The following SEMA3A variants were observed in gnomAD, a reference collection of about 807,000 sequenced individuals.
SEMA3A encodes the protein semaphorin 3A, also known as semaphorin-3A.
In SEMA3A, 29 loss-of-function variants were observed where a neutral mutation model predicts 97.9. The observed-to-expected ratio is 0.30, with a 90% CI of 0.22 to 0.40. The LOEUF (loss-of-function observed/expected upper bound fraction) is 0.40, where lower values mean the gene tolerates loss of function less well. Among genes scored for constraint, SEMA3A ranks in the 10% least tolerant of loss-of-function variants. The pLI, the probability that SEMA3A is intolerant of heterozygous loss-of-function variation, is 1.00. For missense variants in SEMA3A, 763 were observed against 951.3 expected (o/e 0.80, Z 2.60); for synonymous variants, 321 against 323.7 (o/e 0.99, Z 0.09).
intron 1 of SEMA3A, among the ~76,000 whole-genome samples, chr7:84,437,247 A>G (rs1805155784): frequency 6.6e-6 from 1 of 152,068 alleles, no homozygotes; most frequent in Non-Finnish European, 1.5e-5. Context: ...TAAAAAAGGA[A>G]TAATGGAATG....
chr7:84,262,532 CTAATA>C (rs1395325182), intron 3 of SEMA3A, among the ~76,000 whole-genome samples: 2 of 152,098 alleles, frequency 1.3e-5, no homozygotes, highest in East Asian at 3.9e-4. Flanking sequence ...TTCAATCATA[CTAATA>C]TATTTATTCA....
rs568299246 is a variant in SEMA3A, at chr7:84,153,676, T to G, written c.113-18725A>C. On this transcript the variant is annotated intron_variant, in intron 1 of 16. Transcript: ENST00000265362. The stretch of plus-strand genomic sequence containing the variant: ...TTCCCCTTTAATATAGATATACCAT[T>G]TGAGGTCAAAAATGTTACTTTAATA... Among the ~76,000 whole-genome samples, 6 of 152,226 alleles carry G rather than the reference T, an allele frequency of 3.9e-5. No individual in the cohort carries two copies. The South Asian group carries it at 1.2e-3, about 32-fold the overall frequency.
intron 5 of SEMA3A, among the ~76,000 whole-genome samples, chr7:84,047,651 G>A (rs1404235124): frequency 6.6e-6 from 1 of 151,804 alleles, no homozygotes; most frequent in East Asian, 1.9e-4. Context: ...AACAACAAAG[G>A]TTATACATTT....
chr7:84,133,074 TATC>T (rs1796013690), intron 2 of SEMA3A, among the ~76,000 whole-genome samples: 1 of 152,180 alleles, frequency 6.6e-6, no homozygotes, highest in Non-Finnish European at 1.5e-5. Context: ...GATAAATACT[TATC>T]ATTTCAGAAA....
chr7:84,076,791 A>G (rs754556773), intron 4 of SEMA3A, among the ~76,000 whole-genome samples: 32 of 152,176 alleles, frequency 2.1e-4, no homozygotes, highest in Non-Finnish European at 3.8e-4. Context: ...AACAATATGT[A>G]CATGCACAGA....
At position 84,177,413 on chromosome 7, in the gene SEMA3A, T is replaced by C. The variant is rs533281742; in HGVS notation, c.112+17062A>G. On this transcript the variant is annotated intron_variant, in intron 1 of 16. Coordinates refer to ENST00000265362, the MANE Select transcript of SEMA3A (RefSeq NM_006080.3). ...TACCTACAGCCTCTGTCCATTATTGTTAAACAAGGTAAAACACTCTGTTTT... is the reference window on the plus strand; with the variant it reads ...TACCTACAGCCTCTGTCCATTATTGCTAAACAAGGTAAAACACTCTGTTTT... Among the ~76,000 whole-genome samples the C allele has an allele frequency of 2.0e-5, 3 of 152,242 alleles. No individual in the cohort carries two copies. In the South Asian group the frequency reaches 6.2e-4, roughly 32 times the overall value.
intron 2 of SEMA3A, among the ~76,000 whole-genome samples, chr7:84,347,823 G>T (rs1352570131): frequency 6.6e-6 from 1 of 152,120 alleles, no homozygotes. Flanking sequence ...CAGCAGATGA[G>T]TGGCGAGCAG....
intron 2 of SEMA3A, among the ~76,000 whole-genome samples, chr7:84,317,393 T>C (rs1304099835): frequency 1.3e-5 from 2 of 152,198 alleles, no homozygotes; most frequent in African/African-American, 4.8e-5. Flanking sequence ...GCATACTCTA[T>C]CAAAATTCAT....
intron 4 of SEMA3A, among the ~76,000 whole-genome samples, chr7:84,075,266 T>C (rs113639289): frequency 0.13 from 18,830 of 149,876 alleles, 1,250 homozygotes; most frequent in South Asian, 0.14. Context: ...CTCCACCTCC[T>C]GGGTTCAAGT....
intron 4 of SEMA3A, among the ~76,000 whole-genome samples, chr7:84,092,088 AC>A (rs1457123902): frequency 6.6e-6 from 1 of 152,168 alleles, no homozygotes; most frequent in Non-Finnish European, 1.5e-5. Flanking sequence ...CCAAATGAAT[AC>A]GTGCTGTTCA....
intron 4 of SEMA3A, among the ~76,000 whole-genome samples, chr7:84,109,322 T>C (rs1403365423): frequency 2.0e-5 from 3 of 152,154 alleles, no homozygotes; most frequent in Non-Finnish European, 1.5e-5. Flanking sequence ...ACTATACATA[T>C]GGACTTATAA....
At chr7:84,196,559 T>C (rs1798237755), upstream of SEMA3A, among the ~76,000 whole-genome samples, 1 of 152,214 alleles carries the variant, frequency 6.6e-6, no homozygotes, top group Admixed American at 6.5e-5. Context: ...TCAAGCCTAT[T>C]GATCAGCCAG....
chr7:84,490,833 C>G (rs140600936), intron 1 of SEMA3A, among the ~76,000 whole-genome samples: 129 of 152,196 alleles, frequency 8.5e-4, no homozygotes, highest in African/African-American at 2.7e-3. Flanking sequence ...GTCATTGACA[C>G]GGTTACGGCA....
At chr7:84,028,045 G>A (rs1009637498) in intron 6 of SEMA3A, among the ~76,000 whole-genome samples, 1 of 152,158 alleles carries the variant, frequency 6.6e-6, no homozygotes, top group African/African-American at 2.4e-5. Flanking sequence ...AATCATGTAA[G>A]AAGGGTGTAC....
intron 1 of SEMA3A, among the ~76,000 whole-genome samples, chr7:84,137,351 A>G (rs1489174923): frequency 6.9e-6 from 1 of 145,024 alleles, no homozygotes; most frequent in African/African-American, 2.5e-5. Context: ...CAGTGAGCCG[A>G]GATTGCACCA....
At chr7:84,159,558 T>TA (rs779739735) in intron 1 of SEMA3A, among the ~76,000 whole-genome samples, 36 of 152,286 alleles carry the variant, frequency 2.4e-4, no homozygotes, top group Admixed American at 7.8e-4. Context: ...ACCCTTGACT[T>TA]ACTTCCAAGA....
intron 1 of SEMA3A, among the ~76,000 whole-genome samples, chr7:84,380,488 G>A (rs1228438002): frequency 1.3e-5 from 2 of 152,122 alleles, no homozygotes; most frequent in African/African-American, 4.8e-5. Flanking sequence ...TTCTGAAATG[G>A]AATTTATGAG....
intron 3 of SEMA3A, among the ~76,000 whole-genome samples, chr7:84,261,147 C>G (rs1015449837): frequency 1.3e-4 from 20 of 152,146 alleles, no homozygotes; most frequent in African/African-American, 4.6e-4. Context: ...GCTACCCACT[C>G]AGGGTATTCT....
chr7:84,096,972 A>G (rs1794793916), intron 4 of SEMA3A, among the ~76,000 whole-genome samples: 1 of 152,120 alleles, frequency 6.6e-6, no homozygotes, highest in African/African-American at 2.4e-5. Flanking sequence ...GAAAAGTATG[A>G]TCTGGTGTCA....
Sources: allele counts gnomAD v4.1 joint callset (sites outside exome capture counted in the v4.1 genomes callset), GRCh38; gene constraint gnomAD v4.1.1; transcripts MANE v1.5; gene names NCBI Gene and HGNC (gene_info 2026-07-23, HGNC 2026-07-21).